Variants in SCN2A observed in about 807,000 individuals in gnomAD.
SCN2A encodes the protein sodium voltage-gated channel alpha subunit 2, also known as sodium channel protein type 2 subunit alpha.
In SCN2A, 20 loss-of-function variants were observed where a neutral mutation model predicts 188.7. That is an observed-to-expected ratio of 0.11 (90% confidence interval 0.07 to 0.15). The LOEUF is 0.15. SCN2A is among the 10% of genes least tolerant of loss of function. SCN2A has a pLI of 1.00. For synonymous variants in SCN2A, 804 were observed against 833.1 expected, an observed-to-expected ratio of 0.97 and a Z score of 0.60; for missense variants, 1,278 against 2,445.0, an observed-to-expected ratio of 0.52 and a Z score of 10.07.
intron 1 of SCN2A, among the ~76,000 whole-genome samples, chr2:165,257,639 C>T (rs1008915039): frequency 1.3e-5 from 2 of 151,922 alleles, no homozygotes; most frequent in Non-Finnish European, 2.9e-5. Flanking sequence ...TCCGGGTTCA[C>T]GCCATTCTCC....
At chr2:165,376,062 T>G (rs1701298017) in intron 22 of SCN2A, among the ~76,000 whole-genome samples, 2 of 151,816 alleles carry the variant, frequency 1.3e-5, no homozygotes, top group Admixed American at 1.3e-4. Flanking sequence ...TGATGGGAGA[T>G]GTTGGTCAAA....
At chr2:165,313,866 T>C in intron 9 of SCN2A, 36 bp from the exon 10 acceptor site, 3 of 1,612,064 alleles carry the variant, frequency 1.9e-6, no homozygotes, top group Non-Finnish European at 2.5e-6. Flanking sequence ...TAACATCCTA[T>C]ATAAAATTTA....
At position 165,296,110 on chromosome 2, in the gene SCN2A, G is replaced by A. The variant is rs1231259836; in HGVS notation, c.267+20G>A. On this transcript the variant is annotated intron_variant, in intron 2 of 26. Coordinates refer to ENST00000375437, the MANE Select transcript of SCN2A (RefSeq NM_001040142.2). Reference sequence around the variant, plus strand: ...AAGAAAGTGAGTTCTTAGTCAAGTTGCCTTCACTGCCTATTTACTAATTGG... The same window carrying A: ...AAGAAAGTGAGTTCTTAGTCAAGTTACCTTCACTGCCTATTTACTAATTGG... The A allele has an allele frequency of 6.2e-7, 1 of 1,608,024 alleles. No individual in the cohort carries two copies. Among genetic ancestry groups the A allele is most frequent in the South Asian group, 1.1e-5 (1 of 90,918 alleles).
intron 17 of SCN2A, among the ~76,000 whole-genome samples, chr2:165,361,087 T>C (rs754942085): frequency 9.9e-5 from 15 of 152,008 alleles, no homozygotes; most frequent in Non-Finnish European, 2.1e-4. Context: ...ACTGCTTTAG[T>C]CAACATATTT....
chr2:165,363,916 T>A (rs1700591320), intron 17 of SCN2A, among the ~76,000 whole-genome samples: 1 of 152,124 alleles, frequency 6.6e-6, no homozygotes, highest in Admixed American at 6.6e-5. Flanking sequence ...CTCATGTATA[T>A]CATACATCAA....
At chr2:165,296,307 G>A (rs927954826) in intron 2 of SCN2A, 1 of 580,890 alleles carries the variant, frequency 1.7e-6, no homozygotes, top group Non-Finnish European at 3.1e-6. Flanking sequence ...GAACTGGTGA[G>A]GCATCCTCCA....
rs182189847 is a variant in SCN2A at position 165,335,389 on chromosome 2, A to T, written c.2388+3821A>T. Among the ~76,000 whole-genome samples, 1,141 of 151,922 alleles carry T rather than the reference A, an allele frequency of 7.5e-3. 22 individuals are homozygous for T. The highest frequency in any genetic ancestry group is 0.025 in the African/African-American group (1,054 of 41,548). ...GCAAAAGTAAGCAAGATAGTTTGGT[A>T]CTGGCATAAGGATAGCTATATACAT... On this transcript the variant is annotated intron_variant, in intron 14 of 26. Transcript: ENST00000375437.
At chr2:165,285,914 G>T in intron 1 of SCN2A, 1 of 225,010 alleles carries the variant, frequency 4.4e-6, no homozygotes, top group South Asian at 8.0e-5. Flanking sequence ...AAGGAACAAT[G>T]AATTGATTTG....
chr2:165,335,149 A>G (rs1388111559), intron 14 of SCN2A, among the ~76,000 whole-genome samples: 2 of 151,744 alleles, frequency 1.3e-5, no homozygotes, highest in Non-Finnish European at 3.0e-5. Context: ...TTCATAGATT[A>G]GAGGAAAATA....
chr2:165,356,594 G>T (rs1390475198), intron 17 of SCN2A, among the ~76,000 whole-genome samples: 1 of 152,042 alleles, frequency 6.6e-6, no homozygotes, highest in African/African-American at 2.4e-5. Context: ...TTAGTTTTAG[G>T]CTGTCATATA....
chr2:165,332,107 T>C (rs1177947288), intron 14 of SCN2A, among the ~76,000 whole-genome samples: 3 of 151,878 alleles, frequency 2.0e-5, no homozygotes, highest in East Asian at 1.9e-4. Context: ...TGGATACATA[T>C]TGATATTATA....
Position 165,295,849 on chromosome 2 carries a change from C to A in SCN2A, c.26C>A (p.Pro9Gln). 6.2e-7 allele frequency: 1 copy of A among 1,614,144 alleles called. No homozygotes were observed. Among genetic ancestry groups the A allele is most frequent in the Non-Finnish European group, 8.5e-7 (1 of 1,180,022 alleles). ...ATGGCACAGTCAGTGCTGGTACCGC[C>A]AGGACCTGACAGCTTCCGCTTCTTT... MAQSVLVP[P>Q]GPDSFRFFTR... The change falls in exon 2 of 27, where the codon CCA (proline) becomes CAA (glutamine). Residue 9 changes from proline to glutamine, a missense_variant. Transcript: ENST00000375437.
intron 1 of SCN2A, among the ~76,000 whole-genome samples, chr2:165,279,574 A>G (rs529226607): frequency 1.3e-5 from 2 of 152,188 alleles, no homozygotes; most frequent in East Asian, 1.9e-4. Context: ...TAGTAATTAT[A>G]TATAAAATAG....
At chr2:165,270,998 A>G (rs1046263702) in intron 1 of SCN2A, 8 of 152,058 alleles carry the variant, frequency 5.3e-5, no homozygotes, top group Non-Finnish European at 1.2e-4. Flanking sequence ...TACCTCCCTG[A>G]TCTACCTTCT....
At chr2:165,246,284 T>C (rs1693842420) in intron 1 of SCN2A, among the ~76,000 whole-genome samples, 1 of 152,220 alleles carries the variant, frequency 6.6e-6, no homozygotes, top group Non-Finnish European at 1.5e-5. Flanking sequence ...ATCTTGGTAA[T>C]GTCAATATGC....
At chr2:165,347,392 T>C (rs1471390073) in intron 16 of SCN2A, among the ~76,000 whole-genome samples, 1 of 150,202 alleles carries the variant, frequency 6.7e-6, no homozygotes, top group African/African-American at 2.5e-5. Context: ...AGTTGAACAA[T>C]GAGAACACAT....
In SCN2A at chr2:165,274,433, T is replaced by A. The variant is rs192919387; in HGVS notation, c.-51-21340T>A. ...AGATTGAGTGAACCGAGGAACAGAG[T>A]GGTTATTTGTTCTCTGTAATGTATT... On this transcript the variant is annotated intron_variant, in intron 1 of 26. Transcript: ENST00000375437. 2.0e-3 allele frequency: 300 copies of A among 148,990 alleles called. 1 individual carries two copies. Among genetic ancestry groups the A allele is most frequent in the African/African-American group, 7.2e-3 (291 of 40,408 alleles). The allele number at this position is 148,990 out of a possible 1,614,324, so 9.2% of individuals were successfully genotyped here. A position where few individuals can be genotyped will look rare whatever the true frequency, so the allele number is the denominator to read the frequency against.
chr2:165,379,567 G>A (rs1375712116), intron 23 of SCN2A, among the ~76,000 whole-genome samples: 4 of 151,546 alleles, frequency 2.6e-5, no homozygotes, highest in African/African-American at 9.7e-5. Flanking sequence ...ATTATATTTT[G>A]CATTTATGTA....
chr2:165,297,198 C>A, intron 3 of SCN2A, 63 bp downstream of exon 3: 1 of 985,488 alleles, frequency 1.0e-6, no homozygotes, highest in Non-Finnish European at 1.6e-6. Context: ...TTGAGCTACA[C>A]ATTTTCCAAA....
Sources: allele counts gnomAD v4.1 joint callset (sites outside exome capture counted in the v4.1 genomes callset), GRCh38; gene constraint gnomAD v4.1.1; transcripts MANE v1.5; gene names NCBI Gene and HGNC (gene_info 2026-07-23, HGNC 2026-07-21).